PLXNA4: variants seen among roughly 807,000 people sequenced by gnomAD.
PLXNA4 encodes plexin A4.
PLXNA4 carries 44 observed loss-of-function variants against 191.8 expected under a neutral mutation model. The observed-to-expected ratio is 0.23, with a 90% confidence interval of 0.18 to 0.29. The LOEUF (loss-of-function observed/expected upper bound fraction) is 0.29, where lower values mean the gene tolerates loss of function less well. Among genes scored for constraint, PLXNA4 ranks in the 10% least tolerant of loss-of-function variants. PLXNA4 has a pLI of 1.00. For synonymous variants in PLXNA4, 1,082 were observed against 1,009.5 expected, an observed-to-expected ratio of 1.07 and a Z score of -1.36; for missense variants, 1,800 against 2,488.8, an observed-to-expected ratio of 0.72 and a Z score of 5.89.
At chr7:132,238,802 C>G (rs1468585958) in intron 5 of PLXNA4, among the ~76,000 whole-genome samples, 3 of 151,734 alleles carry the variant, frequency 2.0e-5, no homozygotes, top group Non-Finnish European at 4.4e-5. Flanking sequence ...CAGGGATCAA[C>G]AGAGTCACAA....
intron 1 of PLXNA4, among the ~76,000 whole-genome samples, chr7:132,647,662 TACAC>T (rs1198343371): frequency 6.9e-6 from 1 of 144,922 alleles, no homozygotes; most frequent in Non-Finnish European, 1.6e-5. Flanking sequence ...TACACTCACA[TACAC>T]ACAGTCACAC....
At chr7:132,471,247 A>C (rs2117417968) in intron 3 of PLXNA4, among the ~76,000 whole-genome samples, 1 of 152,112 alleles carries the variant, frequency 6.6e-6, no homozygotes, top group Non-Finnish European at 1.5e-5. Context: ...GCAGATATAC[A>C]CCCTGTAGGA....
At chr7:132,524,263 T>C (rs1486127570) in intron 1 of PLXNA4, among the ~76,000 whole-genome samples, 1 of 152,180 alleles carries the variant, frequency 6.6e-6, no homozygotes, top group Non-Finnish European at 1.5e-5. Flanking sequence ...ACCTAGAATT[T>C]GATGCTTATT....
intron 3 of PLXNA4, among the ~76,000 whole-genome samples, chr7:132,425,608 G>A (rs1795012479): frequency 6.6e-6 from 1 of 152,112 alleles, no homozygotes; most frequent in African/African-American, 2.4e-5. Context: ...AGGCAGACAG[G>A]AAGGCAGACA....
chr7:132,560,624 G>A (rs1293280265), intron 1 of PLXNA4, among the ~76,000 whole-genome samples: 2 of 151,956 alleles, frequency 1.3e-5, no homozygotes, highest in Non-Finnish European at 2.9e-5. Context: ...GGTCACTTCC[G>A]CCTGCAAATC....
At chr7:132,365,435 A>G (rs1043775829) in intron 3 of PLXNA4, among the ~76,000 whole-genome samples, 6 of 151,678 alleles carry the variant, frequency 4.0e-5, no homozygotes, top group African/African-American at 1.5e-4. Context: ...ACTGGATTCT[A>G]TGCTCACCTC....
intron 1 of PLXNA4, among the ~76,000 whole-genome samples, chr7:132,554,485 C>A (rs1800703025): frequency 6.6e-6 from 1 of 152,226 alleles, no homozygotes; most frequent in African/African-American, 2.4e-5. Context: ...CCTTTCTCCA[C>A]AGTCAACCAG....
intron 8 of PLXNA4, among the ~76,000 whole-genome samples, chr7:132,225,244 A>G (rs768652656): frequency 3.9e-5 from 6 of 152,232 alleles, no homozygotes; most frequent in Non-Finnish European, 5.9e-5. Context: ...TGTGGTGCCT[A>G]AACACTGGGC....
chr7:132,422,407 G>A (rs1318469650), intron 3 of PLXNA4, among the ~76,000 whole-genome samples: 1 of 152,200 alleles, frequency 6.6e-6, no homozygotes, highest in Admixed American at 6.5e-5. Flanking sequence ...GAGAAGCACG[G>A]AAGGATATGC....
Position 132,531,474 on chromosome 7 carries a change from CAGAG to C in PLXNA4, c.-86-22699_-86-22696del, listed in dbSNP as rs1405864232. 3.9e-5 allele frequency among the ~76,000 whole-genome samples: 6 copies of C among 152,284 alleles called. No homozygotes were observed. The South Asian group carries it at 6.2e-4, about 16-fold the overall frequency. ...TTTTATAGACAAGAAAACTGAGTCA[CAGAG>C]AGCAGGAAATCTGTCCCAGACCACA... is the stretch of plus-strand genomic sequence containing the variant. On this transcript the variant is annotated intron_variant, in intron 1 of 31. Coordinates refer to ENST00000321063, the MANE Select transcript of PLXNA4 (RefSeq NM_020911.2).
intron 3 of PLXNA4, among the ~76,000 whole-genome samples, chr7:132,310,659 C>A (rs1018577213): frequency 6.6e-6 from 1 of 152,192 alleles, no homozygotes; most frequent in Non-Finnish European, 1.5e-5. Context: ...TGTTGCTCAG[C>A]CCCCAGGCAC....
chr7:132,487,502 T>C (rs561257793), intron 3 of PLXNA4, among the ~76,000 whole-genome samples: 1 of 152,148 alleles, frequency 6.6e-6, no homozygotes, highest in African/African-American at 2.4e-5. Flanking sequence ...ATTTGCCAAA[T>C]CCTACTGAAG....
rs374125405 is a variant in PLXNA4, at chr7:132,503,179, C to T, written c.1188+4327G>A. ...ATGACCACAGCCATTGTTCCCATCACCCAGGCCATAATGACCTGCTGGTGT... is the reference window on the plus strand; with the variant it reads ...ATGACCACAGCCATTGTTCCCATCATCCAGGCCATAATGACCTGCTGGTGT... On this transcript the variant is annotated intron_variant, in intron 2 of 31. Transcript: ENST00000321063. Among the ~76,000 whole-genome samples the T allele has an allele frequency of 3.5e-4, 53 of 152,286 alleles. 2 individuals carry two copies. The East Asian group carries it at 9.7e-3, about 28-fold the overall frequency.
At chr7:132,593,311 G>GA (rs11285211) in intron 2 of PLXNA4, among the ~76,000 whole-genome samples, 11 of 151,262 alleles carry the variant, frequency 7.3e-5, no homozygotes, top group Admixed American at 4.0e-4. Flanking sequence ...TCTCACTTAG[G>GA]AAAAAAAAAA....
At chr7:132,555,045 G>GAAAAAAACAAACAAAA (rs1800729069) in intron 1 of PLXNA4, among the ~76,000 whole-genome samples, 1 of 111,942 alleles carries the variant, frequency 8.9e-6, no homozygotes, top group African/African-American at 3.7e-5. Flanking sequence ...AAACCTGAAG[G>GAAAAAAACAAACAAAA]AAAAAAAAAA....
In PLXNA4 at chr7:132,165,154, G is replaced by T; in HGVS notation, c.4333C>A (p.Leu1445Ile). 1 of 1,613,446 alleles carries T rather than the reference G, an allele frequency of 6.2e-7. No homozygotes were observed. ...EKMLTNWFTF[L>I]LYKFLKECAG... ...CCTACCTTGAGGAACTTGTAGAGGA[G>T]GAAAGTAAACCAATTGGTCAGCATC... The change falls in exon 23 of 32, where the codon CTC becomes ATC. Residue 1445 changes from leucine (L) to isoleucine (I), a missense_variant. Around this residue, in one of 6 missense-constraint regions of PLXNA4, gnomAD observed 214 missense variants for 298.2 expected, o/e 0.72. Coordinates refer to ENST00000321063, the MANE Select transcript of PLXNA4 (RefSeq NM_020911.2).
At chr7:132,346,614 A>T (rs1418358469) in intron 3 of PLXNA4, among the ~76,000 whole-genome samples, 1 of 152,204 alleles carries the variant, frequency 6.6e-6, no homozygotes, top group Non-Finnish European at 1.5e-5. Flanking sequence ...CCACAAAAGA[A>T]CACACCATCC....
chr7:132,257,125 G>T (rs971151632), intron 4 of PLXNA4, among the ~76,000 whole-genome samples: 1 of 152,148 alleles, frequency 6.6e-6, no homozygotes, highest in Admixed American at 6.5e-5. Flanking sequence ...GTGACCAACG[G>T]CTGCTCTATG....
At chr7:132,371,112 T>C (rs973483193) in intron 3 of PLXNA4, among the ~76,000 whole-genome samples, 2 of 151,022 alleles carry the variant, frequency 1.3e-5, no homozygotes, top group Non-Finnish European at 2.9e-5. Flanking sequence ...CAGACACACA[T>C]GCCCCGTGGT....
Sources: allele counts gnomAD v4.1 joint callset (sites outside exome capture counted in the v4.1 genomes callset), GRCh38; gene constraint gnomAD v4.1.1; regional missense constraint gnomAD v4.1.1; transcripts MANE v1.5; gene names NCBI Gene and HGNC (gene_info 2026-07-23, HGNC 2026-07-21).